Variants in RHOU observed in about 807,000 individuals in gnomAD.
The protein encoded by RHOU is ras homolog family member U.
A neutral mutation model predicts 12.6 loss-of-function variants in RHOU; 8 were observed. That is an observed-to-expected ratio of 0.64 (90% CI 0.37 to 1.15). RHOU has a LOEUF of 1.15. Ranked by LOEUF, RHOU falls within the 50% of genes most tolerant of loss-of-function variation. RHOU has a pLI of 0.01. For missense variants in RHOU, 258 were observed against 347.0 expected (o/e 0.74, Z 2.04); for synonymous variants, 161 against 147.4 (o/e 1.09, Z -0.67).
At chr1:228,699,250 A>C in the RHOU span, among the ~76,000 whole-genome samples, 3 of 151,274 alleles carry the variant, frequency 2.0e-5, no homozygotes, top group African/African-American at 7.3e-5. Flanking sequence ...GTTCAAGACC[A>C]ATCTGGGCAA....
At chr1:228,711,664 T>C in the RHOU span, among the ~76,000 whole-genome samples, 2 of 152,150 alleles carry the variant, frequency 1.3e-5, no homozygotes, top group African/African-American at 2.4e-5. Context: ...TAATTCAAGA[T>C]GGGTTAAAGA....
At chr1:228,704,307 G>A in the RHOU span, among the ~76,000 whole-genome samples, 1 of 152,096 alleles carries the variant, frequency 6.6e-6, no homozygotes, top group Middle Eastern at 3.2e-3. Flanking sequence ...AGGAACCCCT[G>A]AGGTTGTGTC....
At chr1:228,718,879 C>T in the RHOU span, among the ~76,000 whole-genome samples, 1 of 152,182 alleles carries the variant, frequency 6.6e-6, no homozygotes, top group Admixed American at 6.5e-5. Flanking sequence ...GCATCTCTTA[C>T]TAGGCAGGGA....
the RHOU span, among the ~76,000 whole-genome samples, chr1:228,677,370 G>A: frequency 1.4e-3 from 216 of 152,146 alleles, no homozygotes; most frequent in African/African-American, 5.1e-3. Context: ...TGTCAAAGGG[G>A]GTTCAGCATA....
the RHOU span, among the ~76,000 whole-genome samples, chr1:228,704,106 T>C: frequency 2.0e-5 from 3 of 152,180 alleles, no homozygotes; most frequent in Non-Finnish European, 4.4e-5. Flanking sequence ...CTATATTTTG[T>C]ATCCAGTGGA....
At chr1:228,669,893 G>T in the RHOU span, among the ~76,000 whole-genome samples, 1 of 152,124 alleles carries the variant, frequency 6.6e-6, no homozygotes, top group African/African-American at 2.4e-5. Flanking sequence ...AATCATAAGG[G>T]TGCTGAGATA....
the RHOU span, among the ~76,000 whole-genome samples, chr1:228,694,757 A>G: frequency 8.3e-4 from 127 of 152,262 alleles, 1 homozygote; most frequent in African/African-American, 2.8e-3. Context: ...TGTCTTTGCT[A>G]TTGTGAACAG....
rs960638966 is a variant in RHOU, at chr1:228,738,128, T to G, written c.321+397T>G. Among the ~76,000 whole-genome samples, 4 of 152,192 alleles carry G rather than the reference T, an allele frequency of 2.6e-5. No homozygotes were observed. The highest frequency in any genetic ancestry group is 7.2e-5 in the African/African-American group (3 of 41,432). On this transcript the variant is annotated intron_variant, in intron 2 of 2. Transcript: ENST00000366691. The surrounding 1 kb of genome is among the most constrained non-coding windows in gnomAD (Gnocchi z 4.2). Reference sequence around the variant, plus strand: ...TTATTAAAGGCCAGTGAGTCAGATATTGAAGAAATTTGCTCAAGAAAAAGA... The same window carrying G: ...TTATTAAAGGCCAGTGAGTCAGATAGTGAAGAAATTTGCTCAAGAAAAAGA...
At chr1:228,678,881 C>T in the RHOU span, among the ~76,000 whole-genome samples, 2 of 151,968 alleles carry the variant, frequency 1.3e-5, no homozygotes, top group Non-Finnish European at 2.9e-5. Flanking sequence ...TGGCAGCCAC[C>T]CCACGCAGAC....
At chr1:228,646,759 T>C in the RHOU span, among the ~76,000 whole-genome samples, 1 of 151,872 alleles carries the variant, frequency 6.6e-6, no homozygotes, top group African/African-American at 2.4e-5. Context: ...CACCCGTTCG[T>C]TCTCGTTCCG....
chr1:228,742,120 A>G (rs1204427501), intron 2 of RHOU, among the ~76,000 whole-genome samples: 2 of 152,230 alleles, frequency 1.3e-5, no homozygotes, highest in East Asian at 3.8e-4. Flanking sequence ...TCATTGGGAA[A>G]TTATTTATAC....
rs1416819896 is a variant in RHOU at position 228,744,558 on chromosome 1, A to G, written c.*818A>G. On this transcript the variant is annotated 3_prime_UTR_variant, in exon 3 of 3. Coordinates refer to ENST00000366691, the MANE Select transcript of RHOU (RefSeq NM_021205.6). ...TTCGGTACTGTAATACGTGCACCAA[A>G]CTGCCTCAATCCTAGGTAACGAGGG... 1 of 152,176 alleles carries G rather than the reference A, an allele frequency of 6.6e-6. No individual in the cohort carries two copies. The highest frequency in any genetic ancestry group is 6.5e-5 in the Admixed American group (1 of 15,282). 9.4% of individuals were successfully genotyped at this position (152,176 alleles called of 1,614,324 possible). A position where few individuals can be genotyped will look rare whatever the true frequency, so the allele number is the denominator to read the frequency against.
At chr1:228,659,955 C>CAAAAAAA in the RHOU span, among the ~76,000 whole-genome samples, 2 of 34,632 alleles carry the variant, frequency 5.8e-5, no homozygotes, top group African/African-American at 2.4e-4. Flanking sequence ...CTGGTCTCTA[C>CAAAAAAA]AAAAAAAAAA....
upstream of RHOU, among the ~76,000 whole-genome samples, chr1:228,732,989 C>T (rs1472638717): frequency 6.6e-6 from 1 of 152,212 alleles, no homozygotes; most frequent in Non-Finnish European, 1.5e-5. Context: ...TGACACACTT[C>T]TATGACATTA....
chr1:228,729,368 T>C, the RHOU span, among the ~76,000 whole-genome samples: 1 of 152,256 alleles, frequency 6.6e-6, no homozygotes, highest in Admixed American at 6.5e-5. Flanking sequence ...TCCATTTTAC[T>C]GTTTTAGACA....
At chr1:228,698,553 A>G in the RHOU span, among the ~76,000 whole-genome samples, 1 of 152,262 alleles carries the variant, frequency 6.6e-6, no homozygotes, top group African/African-American at 2.4e-5. Context: ...CAGTCTTTGC[A>G]GAAGAATCTA....
At chr1:228,734,824 T>TA (rs925239686), upstream of RHOU, among the ~76,000 whole-genome samples, 38 of 152,154 alleles carry the variant, frequency 2.5e-4, no homozygotes, top group African/African-American at 8.7e-4. Flanking sequence ...TACCTTTAAG[T>TA]AAATGAAGGA....
the RHOU span, among the ~76,000 whole-genome samples, chr1:228,707,128 A>ATATATATATATATATATATATATATATG: frequency 3.0e-5 from 2 of 67,580 alleles, no homozygotes; most frequent in East Asian, 4.3e-4. Context: ...ATATATATAC[A>ATATATATATATATATATATATATATATG]TATATATATA....
chr1:228,661,602 G>T, the RHOU span, among the ~76,000 whole-genome samples: 8 of 152,264 alleles, frequency 5.3e-5, no homozygotes, highest in South Asian at 1.7e-3. Flanking sequence ...TTAATAAATG[G>T]TGCTGGGAAA....
Sources: allele counts gnomAD v4.1 joint callset (sites outside exome capture counted in the v4.1 genomes callset), GRCh38; gene constraint gnomAD v4.1.1; non-coding constraint Gnocchi (gnomAD v3.1); transcripts MANE v1.5; gene names NCBI Gene and HGNC (gene_info 2026-07-23, HGNC 2026-07-21).